The following IGF1R variants were observed in gnomAD, a reference collection of about 807,000 sequenced individuals.
IGF1R encodes insulin like growth factor 1 receptor, also known as insulin-like growth factor 1 receptor.
IGF1R carries 44 observed loss-of-function variants against 144.6 expected under a neutral mutation model. The observed-to-expected ratio is 0.30, with a 90% confidence interval of 0.24 to 0.39. The LOEUF (loss-of-function observed/expected upper bound fraction) is 0.39, where lower values mean the gene tolerates loss of function less well. IGF1R is among the 10% of genes least tolerant of loss of function. IGF1R has a pLI of 1.00. For missense variants in IGF1R, 1,355 were observed against 1,833.7 expected (o/e 0.74, Z 4.77); for synonymous variants, 795 against 722.8 (o/e 1.10, Z -1.60).
chr15:98,918,761 C>G (rs907275433), intron 10 of IGF1R, among the ~76,000 whole-genome samples: 2 of 152,160 alleles, frequency 1.3e-5, no homozygotes, highest in East Asian at 3.9e-4. Context: ...CACCTGTAAT[C>G]CCAGCTACTT....
At chr15:98,761,631 C>A (rs2055297781) in intron 2 of IGF1R, among the ~76,000 whole-genome samples, 1 of 152,216 alleles carries the variant, frequency 6.6e-6, no homozygotes, top group Non-Finnish European at 1.5e-5. Context: ...CAGGAACTTG[C>A]CCCTTTCCAC....
chr15:98,718,884 T>A (rs2054182938), intron 2 of IGF1R, among the ~76,000 whole-genome samples: 1 of 151,482 alleles, frequency 6.6e-6, no homozygotes, highest in Non-Finnish European at 1.5e-5. Flanking sequence ...TTAGTTGTAA[T>A]GCAGAGACAA....
intron 2 of IGF1R, among the ~76,000 whole-genome samples, chr15:98,738,073 A>T (rs998207383): frequency 1.3e-5 from 2 of 152,180 alleles, no homozygotes; most frequent in African/African-American, 2.4e-5. Flanking sequence ...TAGCTTGGTC[A>T]TGCTCCTGTA....
chr15:98,939,441 G>A (rs1338278048), intron 18 of IGF1R, 81 bp downstream of exon 18: 4 of 1,398,422 alleles, frequency 2.9e-6, no homozygotes, highest in Non-Finnish European at 4.1e-6. Context: ...TCTGCCCCTG[G>A]AGAGGTTTTC....
intron 2 of IGF1R, among the ~76,000 whole-genome samples, chr15:98,887,883 G>A (rs187131715): frequency 9.1e-4 from 138 of 152,244 alleles, no homozygotes; most frequent in African/African-American, 3.3e-3. Context: ...ACGAAGGTCT[G>A]GGCATGTTGT....
chr15:98,753,328 C>T (rs144950868), intron 2 of IGF1R, among the ~76,000 whole-genome samples: 20 of 151,264 alleles, frequency 1.3e-4, no homozygotes, highest in Admixed American at 3.3e-4. Flanking sequence ...GCAATCCTCC[C>T]GCCTGAGCCC....
chr15:98,816,834 C>T (rs527353259), intron 2 of IGF1R, among the ~76,000 whole-genome samples: 28 of 152,286 alleles, frequency 1.8e-4, no homozygotes, highest in African/African-American at 6.5e-4. Flanking sequence ...TGGGGCAAGG[C>T]ACATTCTCAT....
chr15:98,671,412 T>C (rs1379025891), intron 1 of IGF1R, among the ~76,000 whole-genome samples: 2 of 152,098 alleles, frequency 1.3e-5, no homozygotes, highest in African/African-American at 4.8e-5. Context: ...TATCACCCCC[T>C]CTCCTTAGCA....
chr15:98,794,980 C>T (rs2056205298), intron 2 of IGF1R, among the ~76,000 whole-genome samples: 1 of 152,212 alleles, frequency 6.6e-6, no homozygotes. Flanking sequence ...CTTACCTTAG[C>T]AATGCTCTCA....
chr15:98,740,633 A>G (rs1466120315), intron 2 of IGF1R, among the ~76,000 whole-genome samples: 2 of 152,262 alleles, frequency 1.3e-5, no homozygotes, highest in Non-Finnish European at 2.9e-5. Flanking sequence ...TTTTATTAAC[A>G]ATAAATATGC....
At position 98,789,979 on chromosome 15, in the gene IGF1R, A is replaced by T. The variant is rs147332837; in HGVS notation, c.640+81872A>T. 3.6e-3 allele frequency among the ~76,000 whole-genome samples: 544 copies of T among 152,294 alleles called. 7 individuals carry two copies. The highest frequency in any genetic ancestry group is 0.012 in the African/African-American group (516 of 41,542). On this transcript the variant is annotated intron_variant, in intron 2 of 20. Transcript: ENST00000650285. ...TTAGTGTCTGTGACTTAGCCAAAGG[A>T]AATGTACATTAACTGTTCAGTTTCT...
At chr15:98,892,542 A>AAAAAAG (rs2013978973) in intron 3 of IGF1R, among the ~76,000 whole-genome samples, 1 of 151,962 alleles carries the variant, frequency 6.6e-6, no homozygotes, top group South Asian at 2.1e-4. Flanking sequence ...AAAAAAAAAA[A>AAAAAAG]AAAGAGAAGT....
intron 1 of IGF1R, among the ~76,000 whole-genome samples, chr15:98,693,122 A>G (rs774918723): frequency 1.8e-4 from 27 of 152,098 alleles, no homozygotes; most frequent in Non-Finnish European, 3.4e-4. Context: ...CCCTGACCCC[A>G]TATGAACGTC....
At chr15:98,942,892 G>T (rs561375715) in intron 18 of IGF1R, 31 bp from the exon 19 acceptor site, 1 of 1,613,774 alleles carries the variant, frequency 6.2e-7, no homozygotes, top group South Asian at 1.1e-5. Context: ...CTGCTCCAGC[G>T]TGTGACTCTG....
At chr15:98,765,710 C>T (rs1050215594) in intron 2 of IGF1R, among the ~76,000 whole-genome samples, 2 of 152,142 alleles carry the variant, frequency 1.3e-5, no homozygotes, top group Admixed American at 6.5e-5. Flanking sequence ...ATATTCAAAA[C>T]TTACCAGCTG....
chr15:98,957,033 G>T, intron 20 of IGF1R, 28 bp from the exon 21 acceptor site: 2 of 1,613,818 alleles, frequency 1.2e-6, no homozygotes, highest in Non-Finnish European at 1.7e-6. Flanking sequence ...TCCCGGTTTG[G>T]ACCCCCTCCC....
intron 9 of IGF1R, 36 bp downstream of exon 9, chr15:98,916,167 A>C: frequency 6.2e-7 from 1 of 1,606,888 alleles, no homozygotes; most frequent in Non-Finnish European, 8.5e-7. Context: ...GGAGGGTGTG[A>C]CCGTTCATTC....
chr15:98,655,351 A>T (rs981867295), intron 1 of IGF1R, among the ~76,000 whole-genome samples: 3 of 152,130 alleles, frequency 2.0e-5, no homozygotes, highest in Admixed American at 6.5e-5. Context: ...TAAATGGTCA[A>T]TTTTACTCGT....
intron 6 of IGF1R, among the ~76,000 whole-genome samples, chr15:98,910,640 G>A (rs1368119512): frequency 6.6e-6 from 1 of 152,156 alleles, no homozygotes; most frequent in South Asian, 2.1e-4. Flanking sequence ...GAGACACTTG[G>A]CACAGCTTCC....
Sources: gnomAD v4.1 joint callset for allele counts (sites outside exome capture counted in the v4.1 genomes callset) on GRCh38, gnomAD v4.1.1 for gene constraint, MANE v1.5 for transcripts, NCBI Gene and HGNC (gene_info 2026-07-23, HGNC 2026-07-21) for gene names.